ZNF577: variants seen among roughly 807,000 people sequenced by gnomAD.
The protein encoded by ZNF577 is zinc finger protein 577.
A neutral mutation model predicts 13.9 loss-of-function variants in ZNF577; 14 were observed. That is an observed-to-expected ratio of 1.00 (90% CI 0.66 to 1.57). The LOEUF (loss-of-function observed/expected upper bound fraction) is 1.57. Ranked by LOEUF, ZNF577 falls within the 40% of genes most tolerant of loss-of-function variation. ZNF577 has a pLI of 0.00. For synonymous variants in ZNF577, 203 were observed against 202.9 expected, an observed-to-expected ratio of 1.00 and a Z score of 0.00; for missense variants, 555 against 579.2, an observed-to-expected ratio of 0.96 and a Z score of 0.43.
intron 9 of ZNF577, among the ~76,000 whole-genome samples, chr19:51,819,074 T>C (rs2084168285): frequency 6.6e-6 from 1 of 152,116 alleles, no homozygotes; most frequent in South Asian, 2.1e-4. Context: ...AGGACTTGGA[T>C]TGTATTGGGT....
In ZNF577 at chr19:51,824,490, G is replaced by A; in HGVS notation, c.*600-12816C>T. 2 of 1,613,984 alleles carry A rather than the reference G, an allele frequency of 1.2e-6. No homozygotes were observed. Among genetic ancestry groups the A allele is most frequent in the Non-Finnish European group, 1.7e-6 (2 of 1,179,984 alleles). On this transcript the variant is annotated intron_variant and NMD_transcript_variant, in intron 9 of 10. Transcript: ENST00000638827. This position sits in a 1 kb window ranked among gnomAD's most constrained non-coding sequence, Gnocchi z 4.7. ...CTTACGTGTCTTCGCTGCTGTGGTGGCTTCTTTCTTCATCTGTTGGTTCCC... is the reference window on the plus strand; with the variant it reads ...CTTACGTGTCTTCGCTGCTGTGGTGACTTCTTTCTTCATCTGTTGGTTCCC...
intron 9 of ZNF577, among the ~76,000 whole-genome samples, chr19:51,820,195 G>A (rs370698635): frequency 2.8e-4 from 43 of 152,316 alleles, no homozygotes; most frequent in East Asian, 9.6e-4. Flanking sequence ...GAAATCACAC[G>A]TGCTGGAGAA....
downstream of ZNF577, among the ~76,000 whole-genome samples, chr19:51,865,055 T>C (rs1045206625): frequency 6.6e-6 from 1 of 152,236 alleles, no homozygotes; most frequent in Non-Finnish European, 1.5e-5. Flanking sequence ...TTCAGATTCA[T>C]TCTTCTTTAA....
intron 9 of ZNF577, among the ~76,000 whole-genome samples, chr19:51,813,409 ATATTTT>A (rs372244495): frequency 1.8e-4 from 28 of 151,868 alleles, no homozygotes; most frequent in African/African-American, 4.6e-4. Flanking sequence ...AACCTCATTT[ATATTTT>A]TATTTTTATT....
intron 5 of ZNF577, chr19:51,860,930 C>T (rs765842269): frequency 7.2e-6 from 3 of 418,518 alleles, no homozygotes; most frequent in Middle Eastern, 6.7e-4. Flanking sequence ...TTCTTCTTAG[C>T]TTTCCTGCAT....
At chr19:51,808,333 G>A (rs1475850135) in intron 10 of ZNF577, among the ~76,000 whole-genome samples, 1 of 152,124 alleles carries the variant, frequency 6.6e-6, no homozygotes, top group Admixed American at 6.5e-5. Context: ...TATTGGTATG[G>A]GGAAGTTGTT....
At chr19:51,846,989 T>A (rs7252250) in intron 5 of ZNF577, among the ~76,000 whole-genome samples, 1 of 152,064 alleles carries the variant, frequency 6.6e-6, no homozygotes, top group Non-Finnish European at 1.5e-5. Context: ...TCAAAACCCA[T>A]CTGCAAGGTA....
chr19:51,821,778 GA>G (rs367786697), intron 9 of ZNF577, among the ~76,000 whole-genome samples: 1,585 of 144,096 alleles, frequency 0.011, 27 homozygotes, highest in African/African-American at 0.038. Context: ...ACATGATGCT[GA>G]AAAAAAAAAA....
chr19:51,830,135 T>TAA (rs11299540), intron 9 of ZNF577, among the ~76,000 whole-genome samples: 1 of 145,790 alleles, frequency 6.9e-6, no homozygotes, highest in Non-Finnish European at 1.5e-5. Flanking sequence ...TTCTAGTGTT[T>TAA]AAAAAAAAAA....
intron 5 of ZNF577, among the ~76,000 whole-genome samples, chr19:51,847,431 G>A (rs2084358510): frequency 6.6e-6 from 1 of 151,960 alleles, no homozygotes; most frequent in Non-Finnish European, 1.5e-5. Context: ...ACTTTCAAGT[G>A]GAGCATAAAA....
chr19:51,848,005 G>A (rs62107460), intron 5 of ZNF577, among the ~76,000 whole-genome samples: 15,861 of 152,244 alleles, frequency 0.1, 921 homozygotes, highest in Middle Eastern at 0.13. Flanking sequence ...CCCAAGCCCT[G>A]ACATGCTGTT....
intron 5 of ZNF577, among the ~76,000 whole-genome samples, chr19:51,851,033 A>G (rs1337765888): frequency 6.6e-6 from 1 of 152,232 alleles, no homozygotes; most frequent in Admixed American, 6.5e-5. Flanking sequence ...AAAATTATGG[A>G]AAGTTCTCAA....
At chr19:51,856,859 A>G (rs3752121) in intron 5 of ZNF577, among the ~76,000 whole-genome samples, 50,402 of 151,920 alleles carry the variant, frequency 0.33, 8,694 homozygotes, top group South Asian at 0.53. Flanking sequence ...TAGAACTGAT[A>G]AAGTAAAACG....
At chr19:51,833,607 T>A (rs2084272537) in intron 9 of ZNF577, among the ~76,000 whole-genome samples, 1 of 152,024 alleles carries the variant, frequency 6.6e-6, no homozygotes, top group Non-Finnish European at 1.5e-5. Flanking sequence ...GAGAGAAAAA[T>A]CAATAATAAA....
intron 9 of ZNF577, among the ~76,000 whole-genome samples, chr19:51,814,727 G>A (rs1010519998): frequency 1.3e-5 from 2 of 151,932 alleles, no homozygotes; most frequent in East Asian, 3.9e-4. Flanking sequence ...CTCCTGACTC[G>A]GGTGATCTGC....
intron 8 of ZNF577, among the ~76,000 whole-genome samples, chr19:51,840,313 G>C (rs2084313550): frequency 6.6e-6 from 1 of 152,138 alleles, no homozygotes. Context: ...TAGCCCCATA[G>C]GCCCTTAAAG....
intron 4 of ZNF577, 27 bp from the exon 5 acceptor site, chr19:51,877,404 T>C (rs1486233646): frequency 6.3e-7 from 1 of 1,579,786 alleles, no homozygotes; most frequent in Non-Finnish European, 8.7e-7. Context: ...ACTGAACACT[T>C]GGCACGTGTG....
At chr19:51,829,145 A>G (rs1291510939) in intron 9 of ZNF577, among the ~76,000 whole-genome samples, 1 of 152,148 alleles carries the variant, frequency 6.6e-6, no homozygotes, top group East Asian at 1.9e-4. Flanking sequence ...CCAGGGTCCA[A>G]CCTGGCCGAA....
chr19:51,878,296 A>AG, intron 4 of ZNF577, 93 bp downstream of exon 4: 1 of 1,339,686 alleles, frequency 7.5e-7, no homozygotes, highest in Admixed American at 2.4e-5. Context: ...TATAACATAT[A>AG]ATACTTTAGT....
Sources: gnomAD v4.1 joint callset for allele counts (sites outside exome capture counted in the v4.1 genomes callset) on GRCh38, gnomAD v4.1.1 for gene constraint, Gnocchi (gnomAD v3.1) non-coding constraint, MANE v1.5 for transcripts, NCBI Gene and HGNC (gene_info 2026-07-23, HGNC 2026-07-21) for gene names.